The following GAB2 variants were observed in gnomAD, a reference collection of about 807,000 sequenced individuals.
GAB2 encodes GRB2 associated binding protein 2.
A neutral mutation model predicts 65.5 loss-of-function variants in GAB2; 26 were observed. The observed-to-expected ratio is 0.40, with a 90% CI of 0.29 to 0.55. The LOEUF (loss-of-function observed/expected upper bound fraction) is 0.55, where lower values mean the gene tolerates loss of function less well. Ranked by LOEUF, GAB2 falls within the 20% of genes least tolerant of loss-of-function variation. The pLI, the probability that GAB2 is intolerant of heterozygous loss-of-function variation, is 0.53. For synonymous variants in GAB2, 321 were observed against 329.6 expected (o/e 0.97, Z 0.28); for missense variants, 884 against 875.8 (o/e 1.01, Z -0.12).
chr11:78,405,787 A>G (rs1857036125), intron 1 of GAB2, among the ~76,000 whole-genome samples: 1 of 152,208 alleles, frequency 6.6e-6, no homozygotes, highest in African/African-American at 2.4e-5. Context: ...TGCCTCATAT[A>G]TCTCAGACTT....
At chr11:78,354,029 CGT>C (rs1565170847) in intron 1 of GAB2, among the ~76,000 whole-genome samples, 1 of 152,180 alleles carries the variant, frequency 6.6e-6, no homozygotes, top group Non-Finnish European at 1.5e-5. Context: ...GGGGATCTTA[CGT>C]GATGTTGGTG....
At chr11:78,293,588 AG>A (rs1180235574) in intron 1 of GAB2, among the ~76,000 whole-genome samples, 1 of 152,232 alleles carries the variant, frequency 6.6e-6, no homozygotes, top group African/African-American at 2.4e-5. Context: ...TTCAAGGAGT[AG>A]ATCATGGTAA....
chr11:78,401,018 C>T (rs879309040), intron 1 of GAB2, among the ~76,000 whole-genome samples: 5 of 151,266 alleles, frequency 3.3e-5, no homozygotes, highest in African/African-American at 4.9e-5. Context: ...AGAGAATATT[C>T]CATAATCATT....
At chr11:78,366,318 G>A (rs933993587) in intron 1 of GAB2, among the ~76,000 whole-genome samples, 5 of 152,054 alleles carry the variant, frequency 3.3e-5, no homozygotes, top group Non-Finnish European at 5.9e-5. Context: ...AGTGGCTCAC[G>A]CCTGTAATCC....
intron 1 of GAB2, among the ~76,000 whole-genome samples, chr11:78,409,150 G>A (rs1465541021): frequency 6.6e-6 from 1 of 152,176 alleles, no homozygotes; most frequent in Admixed American, 6.5e-5. Context: ...AATATATCAA[G>A]TAGCCCTCAG....
intron 1 of GAB2, among the ~76,000 whole-genome samples, chr11:78,399,409 T>C (rs546238654): frequency 3.9e-5 from 6 of 152,318 alleles, no homozygotes; most frequent in African/African-American, 1.4e-4. Flanking sequence ...TGAGAAGTTT[T>C]TGCATTTTAA....
At chr11:78,254,408 A>G (rs1055355820) in intron 2 of GAB2, among the ~76,000 whole-genome samples, 6 of 152,246 alleles carry the variant, frequency 3.9e-5, no homozygotes, top group African/African-American at 1.4e-4. Context: ...AAGATGAAGT[A>G]GGGATTAGGA....
chr11:78,396,337 T>C (rs182223949), intron 1 of GAB2, among the ~76,000 whole-genome samples: 1 of 152,392 alleles, frequency 6.6e-6, no homozygotes, highest in East Asian at 1.9e-4. Context: ...CTACTGTTGT[T>C]AACGTGAATT....
At chr11:78,368,913 C>T (rs1856532734) in intron 1 of GAB2, among the ~76,000 whole-genome samples, 1 of 151,644 alleles carries the variant, frequency 6.6e-6, no homozygotes, top group African/African-American at 2.4e-5. Context: ...CCCATCGCTA[C>T]AAACAAATTT....
At chr11:78,238,628 A>G (rs541813137) in intron 3 of GAB2, among the ~76,000 whole-genome samples, 3 of 152,256 alleles carry the variant, frequency 2.0e-5, no homozygotes, top group East Asian at 3.9e-4. Context: ...AGATAAAAAA[A>G]CTAACTCAAA....
At chr11:78,412,220 T>C (rs1462332247) in intron 1 of GAB2, among the ~76,000 whole-genome samples, 1 of 151,788 alleles carries the variant, frequency 6.6e-6, no homozygotes, top group Admixed American at 6.6e-5. Context: ...CAAATAATCA[T>C]ATGAAAAGAT....
At chr11:78,415,573 A>G (rs2135104373) in intron 1 of GAB2, among the ~76,000 whole-genome samples, 1 of 152,372 alleles carries the variant, frequency 6.6e-6, no homozygotes, top group South Asian at 2.1e-4. Context: ...AGAGGCTTCC[A>G]GTCATGTAAG....
At chr11:78,250,096 G>GA (rs576233088) in intron 3 of GAB2, 61 bp downstream of exon 3, 143 of 1,562,646 alleles carry the variant, frequency 9.2e-5, no homozygotes, top group African/African-American at 9.1e-4. Flanking sequence ...AGCAAGGACT[G>GA]AAAAGTACTA....
At chr11:78,295,195 C>T (rs1866793846) in intron 1 of GAB2, among the ~76,000 whole-genome samples, 1 of 152,204 alleles carries the variant, frequency 6.6e-6, no homozygotes, top group Non-Finnish European at 1.5e-5. Flanking sequence ...GATACCATCT[C>T]ACACCAGTTA....
chr11:78,414,802 A>C (rs1857173335), intron 1 of GAB2, among the ~76,000 whole-genome samples: 1 of 152,180 alleles, frequency 6.6e-6, no homozygotes, highest in African/African-American at 2.4e-5. Flanking sequence ...CTAATTGCTC[A>C]AACATTTGCC....
intron 1 of GAB2, among the ~76,000 whole-genome samples, chr11:78,411,617 TCAA>T (rs1240116838): frequency 6.6e-6 from 1 of 152,038 alleles, no homozygotes; most frequent in East Asian, 1.9e-4. Flanking sequence ...GATGGCTTTG[TCAA>T]CAACAATGAC....
chr11:78,369,280 G>C (rs1450255456), intron 1 of GAB2, among the ~76,000 whole-genome samples: 1 of 152,066 alleles, frequency 6.6e-6, no homozygotes, highest in Non-Finnish European at 1.5e-5. Flanking sequence ...TCAAAATATG[G>C]TGCTGTTGCC....
chr11:78,303,802 C>G (rs1867098057), intron 1 of GAB2, among the ~76,000 whole-genome samples: 2 of 152,076 alleles, frequency 1.3e-5, no homozygotes, highest in African/African-American at 4.8e-5. Context: ...AGAAGCCATC[C>G]AGGCCTGGAG....
chr11:78,358,869 C>G (rs766734253), intron 1 of GAB2, among the ~76,000 whole-genome samples: 1 of 151,904 alleles, frequency 6.6e-6, no homozygotes, highest in African/African-American at 2.4e-5. Flanking sequence ...AGAAGAGAAG[C>G]TTGAAAAAAT....
Sources: allele counts gnomAD v4.1 joint callset (sites outside exome capture counted in the v4.1 genomes callset), GRCh38; gene constraint gnomAD v4.1.1; transcripts MANE v1.5; gene names NCBI Gene and HGNC (gene_info 2026-07-23, HGNC 2026-07-21).